The following HEPACAM variants were observed in gnomAD, a reference collection of about 807,000 sequenced individuals.
HEPACAM encodes the protein hepatocyte cell adhesion molecule.
A neutral mutation model predicts 38.3 loss-of-function variants in HEPACAM; 18 were observed. That is an observed-to-expected ratio of 0.47 (90% confidence interval 0.33 to 0.70). HEPACAM has a LOEUF of 0.70. Ranked by LOEUF, HEPACAM falls within the 30% of genes least tolerant of loss-of-function variation. The pLI is 0.03. For synonymous variants in HEPACAM, 216 were observed against 243.1 expected, an observed-to-expected ratio of 0.89 and a Z score of 1.04; for missense variants, 466 against 563.0, an observed-to-expected ratio of 0.83 and a Z score of 1.74.
At position 124,925,024 on chromosome 11, in the gene HEPACAM, T is replaced by A; in HGVS notation, c.131A>T (p.His44Leu). Residue 44 changes from histidine (H) to leucine (L), a missense_variant, in exon 2 of 7, where the codon CAT becomes CTT. Coordinates refer to ENST00000298251, the MANE Select transcript of HEPACAM (RefSeq NM_152722.5). ...CAGAGCCGACTTCCCCACGGTGCCA[T>A]GGATCAGGCGCACGGGGCTGGTGAT... Reference protein sequence around the residue: ...VNITSPVRLIHGTVGKSALLS... With the variant: ...VNITSPVRLILGTVGKSALLS... 6.2e-7 allele frequency: 1 copy of A among 1,605,718 alleles called. No homozygotes were observed. The highest frequency in any genetic ancestry group is 8.5e-7 in the Non-Finnish European group (1 of 1,173,648).
chr11:124,928,379 G>A (rs183127708), intron 1 of HEPACAM, among the ~76,000 whole-genome samples: 23 of 152,308 alleles, frequency 1.5e-4, no homozygotes, highest in Admixed American at 3.3e-4. Flanking sequence ...CCCTGAAAAA[G>A]TCATGAGCTT....
rs549252759 is a variant in HEPACAM at position 124,935,961 on chromosome 11, G to A, written c.46C>T (p.Arg16Cys). 9.3e-6 allele frequency: 15 copies of A among 1,614,024 alleles called. No individual in the cohort carries two copies. Among genetic ancestry groups the A allele is most frequent in the Admixed American group, 6.7e-5 (4 of 60,024 alleles). Reference protein sequence around the residue: ...GALSRASRALRLAPFVYLLLI... With the variant: ...GALSRASRALCLAPFVYLLLI... ...AGAAGGTAGACAAAAGGAGCAAGGC[G>A]CAGGGCCCTGGAGGCTCTGGACAGG... Residue 16 changes from arginine (R) to cysteine (C), a missense_variant, in exon 1 of 7, where the codon CGC (arginine) becomes TGC (cysteine). By Grantham distance (180) the Arg-to-Cys change is radical. Coordinates refer to ENST00000298251, the MANE Select transcript of HEPACAM (RefSeq NM_152722.5).
intron 1 of HEPACAM, 47 bp from the exon 2 acceptor site, chr11:124,925,116 C>A: frequency 6.9e-7 from 1 of 1,452,000 alleles, no homozygotes; most frequent in Non-Finnish European, 9.3e-7. Context: ...AGGCCCTGGG[C>A]TCCTTAGCCC....
chr11:124,922,358 T>C, intron 6 of HEPACAM, 30 bp downstream of exon 6: 1 of 1,603,214 alleles, frequency 6.2e-7, no homozygotes, highest in South Asian at 1.1e-5. Flanking sequence ...TCACTGCATG[T>C]TTCTGGGCAC....
chr11:124,928,763 A>G (rs1239690838), intron 1 of HEPACAM, among the ~76,000 whole-genome samples: 3 of 152,144 alleles, frequency 2.0e-5, no homozygotes, highest in Non-Finnish European at 2.9e-5. Context: ...CCGACTTAAG[A>G]GTTGTCCCAT....
chr11:124,925,495 C>T (rs1947196654), intron 1 of HEPACAM, among the ~76,000 whole-genome samples: 1 of 152,122 alleles, frequency 6.6e-6, no homozygotes, highest in South Asian at 2.1e-4. Context: ...GTCATTAGAC[C>T]TCTGGGTGAA....
chr11:124,924,091 A>G lies in HEPACAM; in HGVS notation c.428-81T>C. 7.4e-7 allele frequency: 1 copy of G among 1,352,484 alleles called. No homozygotes were observed. Among genetic ancestry groups the G allele is most frequent in the Non-Finnish European group, 1.0e-6 (1 of 979,472 alleles). 83.8% of individuals were successfully genotyped at this position (1,352,484 alleles called of 1,614,324 possible). ...CCCCTTTTTAGCTCCCTGCCTTCCA[A>G]CACACCTTTAACACTACCTTCCAAC... On this transcript the variant is annotated intron_variant, in intron 2 of 6. Coordinates refer to ENST00000298251, the MANE Select transcript of HEPACAM (RefSeq NM_152722.5). The surrounding 1 kb of genome is among the most constrained non-coding windows in gnomAD (Gnocchi z 4.4).
Position 124,920,397 on chromosome 11 carries a change from G to T in HEPACAM, c.*741C>A, listed in dbSNP as rs1947111357. ...TGAACAGAGACAGAAAGAGTGCTTGGCATGGCATGCCTCCGAGGGAGGCTG... is the reference window on the plus strand; with the variant it reads ...TGAACAGAGACAGAAAGAGTGCTTGTCATGGCATGCCTCCGAGGGAGGCTG... On this transcript the variant is annotated 3_prime_UTR_variant, in exon 7 of 7. Transcript: ENST00000298251. 1 of 1,548,378 alleles carries T rather than the reference G, an allele frequency of 6.5e-7. No homozygotes were observed. Among genetic ancestry groups the T allele is most frequent in the African/African-American group, 1.4e-5 (1 of 72,914 alleles).
At chr11:124,922,908 A>C in intron 4 of HEPACAM, 90 bp from the exon 5 acceptor site, 1 of 1,319,704 alleles carries the variant, frequency 7.6e-7, no homozygotes, top group Non-Finnish European at 1.1e-6. Context: ...TGATGGCCAT[A>C]AAAGAGGCCT....
At chr11:124,925,793 T>C (rs79069569) in intron 1 of HEPACAM, among the ~76,000 whole-genome samples, 10,185 of 152,250 alleles carry the variant, frequency 0.067, 391 homozygotes, top group Non-Finnish European at 0.095. Flanking sequence ...AAGAAGGATT[T>C]GCGATGGGTA....
rs1336841545 is a variant in HEPACAM at position 124,919,882 on chromosome 11, C to T, written c.*1256G>A. ...AATGGAATACACAGAGGGCCTCCTT[C>T]TCTTTCAGCTTTTTAATTGCCCTCT... On this transcript the variant is annotated 3_prime_UTR_variant, in exon 7 of 7. Coordinates refer to ENST00000298251, the MANE Select transcript of HEPACAM (RefSeq NM_152722.5). 3 of 1,614,174 alleles carry T rather than the reference C, an allele frequency of 1.9e-6. No individual in the cohort carries two copies. In the East Asian group the frequency reaches 6.7e-5, roughly 36 times the overall value.
Position 124,920,144 on chromosome 11 carries a change from C to T in HEPACAM, c.*994G>A. On this transcript the variant is annotated 3_prime_UTR_variant, in exon 7 of 7. Transcript: ENST00000298251. ...GCTGGGAAGCAATAAGCCTCCTCCT[C>T]CCCCCACCATTTCTCTGGAGATTAG... 6.5e-6 allele frequency: 7 copies of T among 1,083,872 alleles called. No homozygotes were observed. Among genetic ancestry groups the T allele is most frequent in the South Asian group, 4.7e-5 (3 of 63,962 alleles). The allele number at this position is 1,083,872 out of a possible 1,614,324, so 67.1% of individuals were successfully genotyped here. A position where few individuals can be genotyped will look rare whatever the true frequency, so the allele number is the denominator to read the frequency against.
chr11:124,933,224 T>G (rs2135407684), intron 1 of HEPACAM, among the ~76,000 whole-genome samples: 1 of 152,264 alleles, frequency 6.6e-6, no homozygotes, highest in East Asian at 1.9e-4. Context: ...CAGGCTGAAG[T>G]GCAGTGACGT....
At position 124,920,315 on chromosome 11, in the gene HEPACAM, G is replaced by T; in HGVS notation, c.*823C>A. 7.4e-7 allele frequency: 1 copy of T among 1,358,764 alleles called. No individual in the cohort carries two copies. The highest frequency in any genetic ancestry group is 1.3e-5 in the South Asian group (1 of 74,468). 84.2% of individuals were successfully genotyped at this position (1,358,764 alleles called of 1,614,324 possible). On this transcript the variant is annotated 3_prime_UTR_variant, in exon 7 of 7. Coordinates refer to ENST00000298251, the MANE Select transcript of HEPACAM (RefSeq NM_152722.5). ...TCATTTGGTCTAGTTTTCGGGCCAG[G>T]GGAGTAAGTGAAATTCACTTCTCTA...
At position 124,925,034 on chromosome 11, in the gene HEPACAM, G is replaced by T. The variant is rs917878985; in HGVS notation, c.121C>A (p.Arg41Ser). The T allele has an allele frequency of 7.5e-6, 12 of 1,602,668 alleles. No homozygotes were observed. Among genetic ancestry groups the T allele is most frequent in the African/African-American group, 1.3e-5 (1 of 74,848 alleles). ...LEGVNITSPV[R>S]LIHGTVGKSA... ...TTCCCCACGGTGCCATGGATCAGGCGCACGGGGCTGGTGATGTTCACCCCC... is the reference window on the plus strand; with the variant it reads ...TTCCCCACGGTGCCATGGATCAGGCTCACGGGGCTGGTGATGTTCACCCCC... The change falls in exon 2 of 7, where the codon CGC becomes AGC. Residue 41 changes from arginine to serine, a missense_variant. Transcript: ENST00000298251.
At chr11:124,927,554 C>T (rs145256992) in intron 1 of HEPACAM, among the ~76,000 whole-genome samples, 1,373 of 102,486 alleles carry the variant, frequency 0.013, 13 homozygotes, top group Middle Eastern at 0.057. Flanking sequence ...TTTGTAGAAA[C>T]GGGATTTCAC....
chr11:124,929,401 GCAAA>G (rs1300350909), intron 1 of HEPACAM, among the ~76,000 whole-genome samples: 1 of 152,158 alleles, frequency 6.6e-6, no homozygotes, highest in Non-Finnish European at 1.5e-5. Flanking sequence ...AGTTTGCTGA[GCAAA>G]CAGTTTCCCA....
chr11:124,924,803 C>T lies in HEPACAM; in HGVS notation c.352G>A (p.Gly118Ser). ...LLSDLQLADE[G>S]TYEVEISITD... ...ATGGAGATCTCGACCTCATAGGTGC[C>T]CTCATCGGCCAGCTGCAGGTCGCTG... Residue 118 changes from glycine to serine, a missense_variant, in exon 2 of 7, where the codon GGC becomes AGC. By Grantham distance (56) the Gly-to-Ser change is moderately conservative. Transcript: ENST00000298251. The surrounding 1 kb of genome is among the most constrained non-coding windows in gnomAD (Gnocchi z 4.4). 1 of 1,614,164 alleles carries T rather than the reference C, an allele frequency of 6.2e-7. No individual in the cohort carries two copies. The highest frequency in any genetic ancestry group is 1.6e-4 in the Middle Eastern group (1 of 6,062).
chr11:124,922,613 G>T (rs1464146362), intron 5 of HEPACAM, 132 bp downstream of exon 5: 25 of 1,610,788 alleles, frequency 1.6e-5, no homozygotes, highest in Non-Finnish European at 2.0e-5. Context: ...TCCCTCCTCT[G>T]CAGTCTTCGT....
Sources: gnomAD v4.1 joint callset for allele counts (sites outside exome capture counted in the v4.1 genomes callset) on GRCh38, gnomAD v4.1.1 for gene constraint, Gnocchi (gnomAD v3.1) non-coding constraint, MANE v1.5 for transcripts, NCBI Gene and HGNC (gene_info 2026-07-23, HGNC 2026-07-21) for gene names.